PCDHGA12: variants seen among roughly 807,000 people sequenced by gnomAD.
PCDHGA12 encodes protocadherin gamma subfamily A, 12, also known as protocadherin gamma-A12.
PCDHGA12 carries 43 observed loss-of-function variants against 61.1 expected under a neutral mutation model. The ratio of observed to expected loss-of-function variants is 0.70; its 90% CI spans 0.55 to 0.91. The LOEUF (loss-of-function observed/expected upper bound fraction) is 0.91, where lower values mean the gene tolerates loss of function less well. Among genes scored for constraint, PCDHGA12 ranks in the 40% least tolerant of loss-of-function variants. The pLI is 0.00. For missense variants in PCDHGA12, 1,236 were observed against 1,227.7 expected (o/e 1.01, Z -0.10); for synonymous variants, 520 against 542.9 (o/e 0.96, Z 0.59).
chr5:141,441,036 A>G (rs2098219746), intron 1 of PCDHGA12: 1 of 152,216 alleles, frequency 6.6e-6, no homozygotes, highest in South Asian at 2.1e-4. Context: ...TGAAAACTTT[A>G]AGTACATTGG....
chr5:141,454,998 G>C (rs909142112), intron 1 of PCDHGA12, among the ~76,000 whole-genome samples: 27 of 151,220 alleles, frequency 1.8e-4, no homozygotes, highest in African/African-American at 5.8e-4. Context: ...ATTTTTAGTA[G>C]AGACGGGGTT....
At position 141,490,646 on chromosome 5, in the gene PCDHGA12, C is replaced by G. The variant is rs202183643; in HGVS notation, c.2425-4161C>G. The G allele has an allele frequency of 8.7e-6, 14 of 1,614,068 alleles. No homozygotes were observed. In the African/African-American group the frequency reaches 1.7e-4, roughly 20 times the overall value. ...GCTTACATCCTAGAAAACCGGCCTC[C>G]GGGCTCCCTTCTTTGCACTGTGGCT... On this transcript the variant is annotated intron_variant, in intron 1 of 3. Coordinates refer to ENST00000252085, the MANE Select transcript of PCDHGA12 (RefSeq NM_003735.3). This position sits in a 1 kb window ranked among gnomAD's most constrained non-coding sequence, Gnocchi z 5.4.
rs759356451 is a variant in PCDHGA12, at chr5:141,476,397, G to C, written c.2425-18410G>C. On this transcript the variant is annotated intron_variant, in intron 1 of 3. Transcript: ENST00000252085. The surrounding 1 kb of genome is among the most constrained non-coding windows in gnomAD (Gnocchi z 7.6). ...ATGTTTGTGAACGACCGTCTGGATC[G>C]AGAGGAGCTGTGTGGGACACTGCCC... The C allele has an allele frequency of 6.2e-7, 1 of 1,614,142 alleles. No individual in the cohort carries two copies. The highest frequency in any genetic ancestry group is 8.5e-7 in the Non-Finnish European group (1 of 1,180,036).
chr5:141,472,324 G>A (rs1027842697), intron 1 of PCDHGA12, among the ~76,000 whole-genome samples: 2 of 150,650 alleles, frequency 1.3e-5, no homozygotes, highest in African/African-American at 2.4e-5. Flanking sequence ...GGCAGATCAC[G>A]AGGTTGGGAG....
At chr5:141,437,903 A>G (rs1591482477) in intron 1 of PCDHGA12, among the ~76,000 whole-genome samples, 1 of 152,064 alleles carries the variant, frequency 6.6e-6, no homozygotes, top group East Asian at 1.9e-4. Context: ...ACACCCAGCT[A>G]ATTTTTGTAT....
chr5:141,496,511 C>T (rs1161285563), intron 2 of PCDHGA12, among the ~76,000 whole-genome samples: 1 of 152,182 alleles, frequency 6.6e-6, no homozygotes, highest in Non-Finnish European at 1.5e-5. Flanking sequence ...CACAAGGACC[C>T]AGGAGCCCTT....
intron 1 of PCDHGA12, among the ~76,000 whole-genome samples, chr5:141,447,233 G>A (rs565398752): frequency 2.6e-5 from 4 of 152,028 alleles, no homozygotes; most frequent in Non-Finnish European, 4.4e-5. Flanking sequence ...TCCGCCTCCC[G>A]GGTTCAAGTG....
rs537850909 is a variant in PCDHGA12 at position 141,441,865 on chromosome 5, G to A, written c.2424+8682G>A. ...CTTGGATATGGTGCTGCACGCCGCG[G>A]AGCCTGGCTACCTGGTCACCAAGGT... On this transcript the variant is annotated intron_variant, in intron 1 of 3. Coordinates refer to ENST00000252085, the MANE Select transcript of PCDHGA12 (RefSeq NM_003735.3). The A allele has an allele frequency of 4.0e-4, 138 of 345,718 alleles. 1 individual carries two copies. The Admixed American group carries it at 4.6e-3, about 12-fold the overall frequency. The allele number at this position is 345,718 out of a possible 1,614,324, so 21.4% of individuals were successfully genotyped here. A position where few individuals can be genotyped will look rare whatever the true frequency, so the allele number is the denominator to read the frequency against.
intron 1 of PCDHGA12, among the ~76,000 whole-genome samples, chr5:141,480,339 T>A (rs764049837): frequency 1.3e-4 from 20 of 152,010 alleles, no homozygotes; most frequent in Non-Finnish European, 2.4e-4. Context: ...TGCTTGAGCC[T>A]GGGAGGTTGA....
At position 141,431,590 on chromosome 5, in the gene PCDHGA12, G is replaced by A; in HGVS notation, c.831G>A (p.Val277=). Residue 277 remains valine (V), a synonymous_variant, in exon 1 of 4, where the codon GTG becomes GTA. Transcript: ENST00000252085. The surrounding 1 kb of genome is among the most constrained non-coding windows in gnomAD (Gnocchi z 4.8). ...TDPDEGVNAE[V]RYSFRYVDDK... is the part of the protein sequence containing the mutation. ...CTGACGAAGGAGTCAATGCGGAAGT[G>A]AGGTATTCCTTCCGGTATGTGGACG... 1.2e-6 allele frequency: 2 copies of A among 1,614,240 alleles called. No homozygotes were observed. Among genetic ancestry groups the A allele is most frequent in the South Asian group, 1.1e-5 (1 of 91,090 alleles).
rs144804989 is a variant in PCDHGA12 at position 141,489,791 on chromosome 5, C to T, written c.2425-5016C>T. 1.9e-6 allele frequency: 3 copies of T among 1,614,056 alleles called. No individual in the cohort carries two copies. Among genetic ancestry groups the T allele is most frequent in the Admixed American group, 1.7e-5 (1 of 60,010 alleles). Reference sequence around the variant, plus strand: ...AGCCACTTCTCTCTGAATGTGAAGACCCTAAAAGATGGGAAGCCATTCCCA... The same window carrying T: ...AGCCACTTCTCTCTGAATGTGAAGATCCTAAAAGATGGGAAGCCATTCCCA... On this transcript the variant is annotated intron_variant, in intron 1 of 3. Transcript: ENST00000252085. This position sits in a 1 kb window ranked among gnomAD's most constrained non-coding sequence, Gnocchi z 4.5.
intron 1 of PCDHGA12, 110 bp from the exon 2 acceptor site, chr5:141,494,697 T>C: frequency 6.3e-7 from 1 of 1,590,934 alleles, no homozygotes; most frequent in Non-Finnish European, 8.6e-7. Flanking sequence ...TAGTCCGTTT[T>C]CTTCTCTGTG....
chr5:141,450,835 T>TA lies in PCDHGA12; in HGVS notation c.2424+17652_2424+17653insA, dbSNP rs1438371595. ...ATTTAATATTATTATTATTATTTTT[T>TA]TTTTTTTGAGATGGGGTCTTGCTCT... is the stretch of plus-strand genomic sequence containing the variant. On this transcript the variant is annotated intron_variant, in intron 1 of 3. Coordinates refer to ENST00000252085, the MANE Select transcript of PCDHGA12 (RefSeq NM_003735.3). 4.0e-3 allele frequency among the ~76,000 whole-genome samples: 570 copies of TA among 142,160 alleles called. 3 individuals are homozygous for TA. The highest frequency in any genetic ancestry group is 0.015 in the Middle Eastern group (4 of 270). The allele number at this position is 142,160 out of a possible 152,430, so 93.3% of individuals were successfully genotyped here.
At position 141,487,179 on chromosome 5, in the gene PCDHGA12, C is replaced by T. The variant is rs768886732; in HGVS notation, c.2425-7628C>T. Reference sequence around the variant, plus strand: ...CTCTTAGTGTCCTTAGAGGAAGACACTCATCCAGTTGTCCCAGATCTTCGA... The same window carrying T: ...CTCTTAGTGTCCTTAGAGGAAGACATTCATCCAGTTGTCCCAGATCTTCGA... On this transcript the variant is annotated intron_variant, in intron 1 of 3. Transcript: ENST00000252085. This position sits in a 1 kb window ranked among gnomAD's most constrained non-coding sequence, Gnocchi z 5.0. 6.2e-6 allele frequency: 10 copies of T among 1,613,474 alleles called. No individual in the cohort carries two copies. Among genetic ancestry groups the T allele is most frequent in the Non-Finnish European group, 6.8e-6 (8 of 1,179,370 alleles).
At chr5:141,454,311 T>C (rs755771201) in intron 1 of PCDHGA12, among the ~76,000 whole-genome samples, 1 of 152,216 alleles carries the variant, frequency 6.6e-6, no homozygotes, top group Non-Finnish European at 1.5e-5. Context: ...TTTCAAAGCA[T>C]TGAAACCTCC....
rs2099619316 is a variant in PCDHGA12, at chr5:141,485,794, C to A, written c.2425-9013C>A. The A allele has an allele frequency of 6.2e-7, 1 of 1,614,120 alleles. No homozygotes were observed. The highest frequency in any genetic ancestry group is 1.1e-5 in the South Asian group (1 of 91,092). On this transcript the variant is annotated intron_variant, in intron 1 of 3. Transcript: ENST00000252085. This position sits in a 1 kb window ranked among gnomAD's most constrained non-coding sequence, Gnocchi z 5.7. ...CTTTGGATCGAGAGAAGCAATCGGA[C>A]TACCGCCTGGTGCTGACTGCTGTCG...
intron 3 of PCDHGA12, among the ~76,000 whole-genome samples, chr5:141,509,362 G>C (rs2099876497): frequency 6.6e-6 from 1 of 152,152 alleles, no homozygotes; most frequent in Non-Finnish European, 1.5e-5. Flanking sequence ...GCATCCCTGA[G>C]GTTTTAACTG....
At chr5:141,499,057 A>G (rs1361057448) in intron 2 of PCDHGA12, among the ~76,000 whole-genome samples, 1 of 152,036 alleles carries the variant, frequency 6.6e-6, no homozygotes, top group Non-Finnish European at 1.5e-5. Flanking sequence ...GAAAAAATGA[A>G]GAAGACTTAC....
chr5:141,469,376 A>T (rs572466149), intron 1 of PCDHGA12, among the ~76,000 whole-genome samples: 1 of 152,232 alleles, frequency 6.6e-6, no homozygotes, highest in East Asian at 1.9e-4. Flanking sequence ...AGAGATCGAG[A>T]CCATCCTGGC....
Sources: allele counts gnomAD v4.1 joint callset (sites outside exome capture counted in the v4.1 genomes callset), GRCh38; gene constraint gnomAD v4.1.1; non-coding constraint Gnocchi (gnomAD v3.1); transcripts MANE v1.5; gene names NCBI Gene and HGNC (gene_info 2026-07-23, HGNC 2026-07-21).